The following CDKAL1 variants were observed in gnomAD, a reference collection of about 807,000 sequenced individuals.
The protein encoded by CDKAL1 is CDKAL1 threonylcarbamoyladenosine tRNA methylthiotransferase.
Under a neutral mutation model 68.2 loss-of-function variants are expected in CDKAL1, and 32 were observed. That is an observed-to-expected ratio of 0.47 (90% confidence interval 0.35 to 0.63). CDKAL1 has a LOEUF of 0.63. CDKAL1 is among the 30% of genes least tolerant of loss of function. CDKAL1 has a pLI of 0.00. For missense variants in CDKAL1, 606 were observed against 696.7 expected (o/e 0.87, Z 1.47); for synonymous variants, 234 against 244.3 (o/e 0.96, Z 0.39).
chr6:21,102,767 T>C (rs1773645384), intron 12 of CDKAL1, among the ~76,000 whole-genome samples: 1 of 152,112 alleles, frequency 6.6e-6, no homozygotes, highest in African/African-American at 2.4e-5. Flanking sequence ...TAGACCACCA[T>C]TGCATTTTTG....
At chr6:20,670,479 C>T (rs1228503580) in intron 5 of CDKAL1, among the ~76,000 whole-genome samples, 1 of 152,132 alleles carries the variant, frequency 6.6e-6, no homozygotes, top group Non-Finnish European at 1.5e-5. Context: ...CCATTCTTTC[C>T]ATCTTGAGCC....
intron 9 of CDKAL1, among the ~76,000 whole-genome samples, chr6:20,911,277 A>G (rs1762456578): frequency 6.6e-6 from 1 of 152,248 alleles, no homozygotes; most frequent in African/African-American, 2.4e-5. Flanking sequence ...ACTAAGTAGT[A>G]GAACCAAGAA....
At chr6:20,875,496 G>GTTATAATATTTCAGTATT (rs1760466524) in intron 9 of CDKAL1, among the ~76,000 whole-genome samples, 1 of 151,792 alleles carries the variant, frequency 6.6e-6, no homozygotes, top group Non-Finnish European at 1.5e-5. Flanking sequence ...GTTTCAGTAT[G>GTTATAATATTTCAGTATT]TACAGTTATA....
At chr6:20,630,416 A>T (rs1166973619) in intron 4 of CDKAL1, among the ~76,000 whole-genome samples, 1 of 151,808 alleles carries the variant, frequency 6.6e-6, no homozygotes, top group African/African-American at 2.4e-5. Context: ...CTTTATGCTG[A>T]ATTTGTCTAG....
intron 13 of CDKAL1, among the ~76,000 whole-genome samples, chr6:21,155,829 T>A (rs1776615252): frequency 6.6e-6 from 1 of 152,162 alleles, no homozygotes; most frequent in African/African-American, 2.4e-5. Flanking sequence ...CTCCAGAATA[T>A]ATTATAAAGG....
chr6:21,040,526 A>G (rs761147085), intron 11 of CDKAL1, among the ~76,000 whole-genome samples: 5 of 152,310 alleles, frequency 3.3e-5, no homozygotes, highest in Non-Finnish European at 5.9e-5. Context: ...GATACTAGCT[A>G]CAATTAATAC....
intron 13 of CDKAL1, among the ~76,000 whole-genome samples, chr6:21,124,618 T>C (rs1371114761): frequency 6.6e-6 from 1 of 151,540 alleles, no homozygotes; most frequent in African/African-American, 2.4e-5. Flanking sequence ...ATACCTGTAA[T>C]TTATCTGGGT....
intron 10 of CDKAL1, among the ~76,000 whole-genome samples, chr6:20,983,590 G>A (rs575924409): frequency 3.9e-4 from 59 of 152,036 alleles, no homozygotes; most frequent in Non-Finnish European, 7.1e-4. Context: ...GCATAGTGGC[G>A]CACATCTATA....
At chr6:20,717,268 G>A (rs1199708941) in intron 5 of CDKAL1, among the ~76,000 whole-genome samples, 1 of 151,868 alleles carries the variant, frequency 6.6e-6, no homozygotes, top group African/African-American at 2.4e-5. Flanking sequence ...AATCAAGGGA[G>A]AGTTTTTATT....
chr6:20,960,204 C>T (rs936435080), intron 10 of CDKAL1, among the ~76,000 whole-genome samples: 2 of 152,098 alleles, frequency 1.3e-5, no homozygotes, highest in East Asian at 1.9e-4. Context: ...TCATAGCGCT[C>T]TACAGCCTTG....
At chr6:21,038,072 G>T (rs1168323168) in intron 11 of CDKAL1, among the ~76,000 whole-genome samples, 1 of 152,208 alleles carries the variant, frequency 6.6e-6, no homozygotes. Flanking sequence ...AATTGGCCTA[G>T]TGGAGAAGAT....
At chr6:20,976,083 A>G (rs1210547800) in intron 10 of CDKAL1, among the ~76,000 whole-genome samples, 3 of 152,030 alleles carry the variant, frequency 2.0e-5, no homozygotes, top group African/African-American at 7.2e-5. Flanking sequence ...TACTGTCTCC[A>G]TAGTTTCGCC....
At chr6:20,934,686 A>T (rs1763618869) in intron 9 of CDKAL1, among the ~76,000 whole-genome samples, 1 of 151,762 alleles carries the variant, frequency 6.6e-6, no homozygotes, top group Non-Finnish European at 1.5e-5. Context: ...CTCTACAAAA[A>T]CTGAAAAAAA....
intron 8 of CDKAL1, among the ~76,000 whole-genome samples, chr6:20,806,494 A>G (rs550860743): frequency 3.9e-5 from 6 of 152,300 alleles, no homozygotes; most frequent in African/African-American, 1.4e-4. Context: ...ATATGCAATA[A>G]TGAGATTTCT....
chr6:20,821,577 TA>T (rs1245674640), intron 8 of CDKAL1, among the ~76,000 whole-genome samples: 2 of 152,090 alleles, frequency 1.3e-5, no homozygotes, highest in Non-Finnish European at 1.5e-5. Context: ...TACCAGAGCT[TA>T]AGCTGCTCAA....
At chr6:20,882,743 T>A (rs917461634) in intron 9 of CDKAL1, among the ~76,000 whole-genome samples, 2 of 152,188 alleles carry the variant, frequency 1.3e-5, no homozygotes, top group Non-Finnish European at 2.9e-5. Context: ...AAAGCCACTA[T>A]AAACATTCAC....
At chr6:20,958,540 A>G (rs977913726) in intron 10 of CDKAL1, among the ~76,000 whole-genome samples, 2 of 152,210 alleles carry the variant, frequency 1.3e-5, no homozygotes, top group African/African-American at 4.8e-5. Context: ...GGCTTAGACC[A>G]CTCTACAGAA....
At chr6:20,728,031 G>A (rs1772733012) in intron 5 of CDKAL1, among the ~76,000 whole-genome samples, 1 of 152,154 alleles carries the variant, frequency 6.6e-6, no homozygotes, top group African/African-American at 2.4e-5. Context: ...GTACATGAGA[G>A]CTTTTCTGTT....
intron 12 of CDKAL1, among the ~76,000 whole-genome samples, chr6:21,074,596 G>T (rs1485869859): frequency 6.6e-6 from 1 of 152,042 alleles, no homozygotes; most frequent in Non-Finnish European, 1.5e-5. Flanking sequence ...AAGCAAAAAT[G>T]GTGAAACTTG....
Sources: allele counts gnomAD v4.1 joint callset (sites outside exome capture counted in the v4.1 genomes callset), GRCh38; gene constraint gnomAD v4.1.1; transcripts MANE v1.5; gene names NCBI Gene and HGNC (gene_info 2026-07-23, HGNC 2026-07-21).